Variants in PTPN3 observed in about 807,000 individuals in gnomAD.
PTPN3 encodes protein tyrosine phosphatase non-receptor type 3.
In PTPN3, 96 loss-of-function variants were observed where a neutral mutation model predicts 132.7. The observed-to-expected ratio is 0.72, with a 90% CI of 0.61 to 0.86. The LOEUF (loss-of-function observed/expected upper bound fraction) is 0.86, where lower values mean the gene tolerates loss of function less well. PTPN3 is among the 40% of genes least tolerant of loss of function. PTPN3 has a pLI of 0.00. For missense variants in PTPN3, 1,125 were observed against 1,159.6 expected, an observed-to-expected ratio of 0.97 and a Z score of 0.43; for synonymous variants, 398 against 429.0, an observed-to-expected ratio of 0.93 and a Z score of 0.89.
At chr9:109,449,216 G>T in intron 5 of PTPN3, 1 of 1,058,358 alleles carries the variant, frequency 9.4e-7, no homozygotes, top group African/African-American at 1.7e-5. Flanking sequence ...ACCCACAGGG[G>T]CTCTGCACAA....
intron 17 of PTPN3, among the ~76,000 whole-genome samples, chr9:109,408,028 TC>T (rs1454357376): frequency 6.6e-6 from 1 of 152,132 alleles, no homozygotes; most frequent in African/African-American, 2.4e-5. Flanking sequence ...AAAGGACTTC[TC>T]AAAATTGAAT....
At chr9:109,476,066 T>C (rs1188113805) in intron 1 of PTPN3, among the ~76,000 whole-genome samples, 1 of 152,210 alleles carries the variant, frequency 6.6e-6, no homozygotes, top group African/African-American at 2.4e-5. Flanking sequence ...GTTAGAGCCC[T>C]CTAAAGCTTT....
chr9:109,499,806 G>C (rs904500632), upstream of PTPN3, among the ~76,000 whole-genome samples: 6 of 152,328 alleles, frequency 3.9e-5, no homozygotes, highest in East Asian at 7.7e-4. Flanking sequence ...GCGTCGGGGG[G>C]ATTTCCGACG....
intron 19 of PTPN3, among the ~76,000 whole-genome samples, chr9:109,403,871 T>C (rs896665934): frequency 6.6e-6 from 1 of 152,170 alleles, no homozygotes; most frequent in Non-Finnish European, 1.5e-5. Context: ...GAATCACAGG[T>C]TCCCCTGGGG....
In PTPN3 at chr9:109,381,734, A is replaced by G; in HGVS notation, c.2582T>C (p.Leu861Pro). The G allele has an allele frequency of 6.2e-7, 1 of 1,614,204 alleles. No individual in the cohort carries two copies. The stretch of plus-strand genomic sequence containing the variant: ...GTAAATGGGCAGGTTCCTCTCAGTT[A>G]GGCACATGGCTGTTTCCATAGTGAC... ...VLVTMETAMCLTERNLPIYPL... is the reference protein window; with the variant it reads ...VLVTMETAMCPTERNLPIYPL... Residue 861 changes from leucine to proline, a missense_variant, in exon 25 of 26, where the codon CTA becomes CCA. Transcript: ENST00000374541.
At chr9:109,442,888 A>G (rs1468556014) in intron 7 of PTPN3, among the ~76,000 whole-genome samples, 1 of 152,136 alleles carries the variant, frequency 6.6e-6, no homozygotes, top group Non-Finnish European at 1.5e-5. Flanking sequence ...TCCAGTTCTC[A>G]ATGACTCAGC....
the PTPN3 span, chr9:109,532,994 C>A: frequency 3.8e-6 from 2 of 525,502 alleles, no homozygotes; most frequent in South Asian, 4.7e-5. Context: ...TCGCTCTTGT[C>A]CCCCAGGCTG....
chr9:109,413,572 G>A (rs1842247413), intron 14 of PTPN3, among the ~76,000 whole-genome samples: 1 of 152,186 alleles, frequency 6.6e-6, no homozygotes, highest in Admixed American at 6.5e-5. Flanking sequence ...TTCCACAAGT[G>A]GAGTGAAGAA....
chr9:109,538,137 C>T, the PTPN3 span, among the ~76,000 whole-genome samples: 2 of 152,170 alleles, frequency 1.3e-5, no homozygotes, highest in Non-Finnish European at 2.9e-5. Context: ...GATTTTCCTC[C>T]CTTAATGTTG....
At chr9:109,516,277 A>G in the PTPN3 span, among the ~76,000 whole-genome samples, 1 of 152,220 alleles carries the variant, frequency 6.6e-6, no homozygotes, top group African/African-American at 2.4e-5. Context: ...TATAAAGATC[A>G]TAGGCTAATA....
rs776781993 is a variant in PTPN3, at chr9:109,426,935, T to C, written c.1001+15A>G. On this transcript the variant is annotated intron_variant, in intron 12 of 25. Transcript: ENST00000374541. ...TCTCAGCCTAGTGTGGACACAGTCT[T>C]TACAGCACACTCACTTTTTGGTGTT... 1.3e-6 allele frequency: 2 copies of C among 1,599,844 alleles called. No homozygotes were observed. Among genetic ancestry groups the C allele is most frequent in the Non-Finnish European group, 1.7e-6 (2 of 1,167,416 alleles).
In PTPN3 at chr9:109,382,388, C is replaced by T; in HGVS notation, c.2442G>A (p.Val814=). 1 of 1,614,180 alleles carries T rather than the reference C, an allele frequency of 6.2e-7. No homozygotes were observed. The highest frequency in any genetic ancestry group is 8.5e-7 in the Non-Finnish European group (1 of 1,180,002). ...LQYVAWPDHG[V]PDDSSDFLEF... ...CCAGAAAGTCGGAGGAGTCATCGGG[C>T]ACACCGTGGTCAGGCCATGCGACGT... Residue 814 remains valine (V), a synonymous_variant, in exon 24 of 26, where the codon GTG becomes GTA. Transcript: ENST00000374541.
At chr9:109,424,906 A>G (rs1843132571) in intron 12 of PTPN3, among the ~76,000 whole-genome samples, 1 of 152,224 alleles carries the variant, frequency 6.6e-6, no homozygotes, top group Admixed American at 6.5e-5. Flanking sequence ...CAGATGACAA[A>G]GCTTTGCAGA....
In PTPN3 at chr9:109,429,164, C is replaced by A. The variant is rs987023327; in HGVS notation, c.765-480G>T. 2.7e-5 allele frequency: 15 copies of A among 556,592 alleles called. No individual in the cohort carries two copies. The African/African-American group carries it at 3.1e-4, about 11-fold the overall frequency. The allele number at this position is 556,592 out of a possible 1,614,324, so 34.5% of individuals were successfully genotyped here. A position where few individuals can be genotyped will look rare whatever the true frequency, so the allele number is the denominator to read the frequency against. On this transcript the variant is annotated intron_variant, in intron 10 of 25. Transcript: ENST00000374541. ...AACTGAACATTTTTTAGATACTAGG[C>A]TGCTACTAAGAGCTTTATAAACATC...
chr9:109,517,840 A>G, the PTPN3 span, among the ~76,000 whole-genome samples: 2 of 152,130 alleles, frequency 1.3e-5, no homozygotes, highest in East Asian at 3.9e-4. Flanking sequence ...TCTGGCTGCC[A>G]TTGGGTTCCA....
intron 10 of PTPN3, among the ~76,000 whole-genome samples, chr9:109,431,655 G>A (rs1843671858): frequency 6.6e-6 from 1 of 152,176 alleles, no homozygotes; most frequent in South Asian, 2.1e-4. Flanking sequence ...ACATTTTTTG[G>A]TTTTGGAAAA....
the PTPN3 span, among the ~76,000 whole-genome samples, chr9:109,516,922 C>T: frequency 1.3e-5 from 2 of 152,152 alleles, no homozygotes; most frequent in South Asian, 4.2e-4. Context: ...AGGGGACTTG[C>T]GAGGTGAGCA....
At chr9:109,459,713 C>T (rs1224197852) in intron 2 of PTPN3, among the ~76,000 whole-genome samples, 1 of 152,088 alleles carries the variant, frequency 6.6e-6, no homozygotes, top group Non-Finnish European at 1.5e-5. Context: ...CTGCACCCAG[C>T]CTGTTGTAAG....
At chr9:109,453,757 C>T (rs901890568) in intron 5 of PTPN3, among the ~76,000 whole-genome samples, 31 of 151,992 alleles carry the variant, frequency 2.0e-4, no homozygotes, top group African/African-American at 7.0e-4. Flanking sequence ...TGCCTATAAT[C>T]CCAGCACCTT....
Sources: gnomAD v4.1 joint callset for allele counts (sites outside exome capture counted in the v4.1 genomes callset) on GRCh38, gnomAD v4.1.1 for gene constraint, MANE v1.5 for transcripts, NCBI Gene and HGNC (gene_info 2026-07-23, HGNC 2026-07-21) for gene names.